The following ADK variants were observed in gnomAD, a reference collection of about 807,000 sequenced individuals.
ADK encodes the protein adenosine kinase, also known as N6,N6-dimethyladenosine kinase.
A neutral mutation model predicts 44.7 loss-of-function variants in ADK; 24 were observed. The observed-to-expected ratio is 0.54, with a 90% CI of 0.39 to 0.76. The LOEUF is 0.76. ADK is among the 30% of genes least tolerant of loss of function. ADK has a pLI of 0.00. For missense variants in ADK, 321 were observed against 425.1 expected, an observed-to-expected ratio of 0.76 and a Z score of 2.15; for synonymous variants, 128 against 142.6, an observed-to-expected ratio of 0.90 and a Z score of 0.73.
chr10:74,527,982 GA>G, intron 7 of ADK: 21 of 797,666 alleles, frequency 2.6e-5, no homozygotes, highest in South Asian at 4.2e-5. Flanking sequence ...AAAAATTATG[GA>G]AAAAGGCACC....
intron 6 of ADK, among the ~76,000 whole-genome samples, chr10:74,468,810 A>G (rs1846450099): frequency 6.6e-6 from 1 of 152,188 alleles, no homozygotes; most frequent in Non-Finnish European, 1.5e-5. Flanking sequence ...TATGTTATCA[A>G]TAGTAACCCC....
At chr10:74,191,664 A>G (rs1294064395) in intron 1 of ADK, among the ~76,000 whole-genome samples, 2 of 152,184 alleles carry the variant, frequency 1.3e-5, no homozygotes, top group Non-Finnish European at 2.9e-5. Context: ...CATTCACTCA[A>G]CTTCCCCCAA....
At chr10:74,628,530 G>T in intron 9 of ADK, among the ~76,000 whole-genome samples, 1 of 150,760 alleles carries the variant, frequency 6.6e-6, no homozygotes, top group African/African-American at 2.4e-5. Context: ...GTCTCACCTG[G>T]ATTAAGTTTT....
At position 74,315,246 on chromosome 10, in the gene ADK, C is replaced by T. The variant is rs1840575929; in HGVS notation, c.273+501C>T. ...CTGCCACAAGATAGTAGAAATTGCTCTGTATTATATATAGATATCTATATA... is the reference window on the plus strand; with the variant it reads ...CTGCCACAAGATAGTAGAAATTGCTTTGTATTATATATAGATATCTATATA... On this transcript the variant is annotated intron_variant, in intron 4 of 10. Transcript: ENST00000539909. Among the ~76,000 whole-genome samples, 4 of 152,154 alleles carry T rather than the reference C, an allele frequency of 2.6e-5. No individual in the cohort carries two copies. In the South Asian group the frequency reaches 8.3e-4, roughly 32 times the overall value.
intron 4 of ADK, among the ~76,000 whole-genome samples, chr10:74,388,962 G>T (rs912066174): frequency 6.6e-6 from 1 of 152,142 alleles, no homozygotes; most frequent in African/African-American, 2.4e-5. Flanking sequence ...CCCTCTCCAT[G>T]GTGTGGAACT....
intron 4 of ADK, among the ~76,000 whole-genome samples, chr10:74,347,142 A>AAAAAAAAGG (rs1841799866): frequency 7.2e-6 from 1 of 139,466 alleles, no homozygotes; most frequent in African/African-American, 2.7e-5. Context: ...AAAAAAAAAA[A>AAAAAAAAGG]GATGGCCGAA....
At chr10:74,595,550 G>A (rs1183462997) in intron 8 of ADK, among the ~76,000 whole-genome samples, 2 of 149,586 alleles carry the variant, frequency 1.3e-5, no homozygotes, top group Non-Finnish European at 3.0e-5. Flanking sequence ...CTAATTTTTT[G>A]TATTTTTAGT....
intron 3 of ADK, among the ~76,000 whole-genome samples, chr10:74,309,917 A>AT (rs1840378719): frequency 6.6e-6 from 1 of 151,776 alleles, no homozygotes; most frequent in Non-Finnish European, 1.5e-5. Context: ...CTTTATCTTA[A>AT]TTTGCTTCTG....
intron 3 of ADK, among the ~76,000 whole-genome samples, chr10:74,250,898 TTTTTTA>T: frequency 6.6e-6 from 1 of 152,126 alleles, no homozygotes; most frequent in East Asian, 1.9e-4. Flanking sequence ...GGCTGGCCAA[TTTTTTA>T]TTTTTATTTT....
intron 9 of ADK, among the ~76,000 whole-genome samples, chr10:74,665,641 A>G (rs1032557640): frequency 6.6e-6 from 1 of 151,984 alleles, no homozygotes; most frequent in East Asian, 1.9e-4. Context: ...AGGCTGAGGC[A>G]GGAGGATCCT....
intron 7 of ADK, among the ~76,000 whole-genome samples, chr10:74,571,476 C>T (rs1045482526): frequency 6.6e-6 from 1 of 152,016 alleles, no homozygotes; most frequent in Non-Finnish European, 1.5e-5. Flanking sequence ...GCCTGTTATT[C>T]GTCTATTCAG....
chr10:74,344,023 A>G (rs1458684145), intron 4 of ADK, among the ~76,000 whole-genome samples: 1 of 152,188 alleles, frequency 6.6e-6, no homozygotes, highest in Non-Finnish European at 1.5e-5. Context: ...TGCATTCCTG[A>G]GACAAACTCC....
chr10:74,656,155 A>G (rs913197919), intron 9 of ADK: 2 of 298,762 alleles, frequency 6.7e-6, no homozygotes, highest in African/African-American at 4.5e-5. Flanking sequence ...ATGGAGGAGG[A>G]TGGCGGCTGC....
intron 3 of ADK, among the ~76,000 whole-genome samples, chr10:74,259,239 C>G (rs1299580103): frequency 3.3e-5 from 5 of 151,594 alleles, no homozygotes; most frequent in African/African-American, 9.7e-5. Flanking sequence ...GCCACTGTGC[C>G]TGGCATATAG....
At chr10:74,380,940 A>G (rs1842961092) in intron 4 of ADK, among the ~76,000 whole-genome samples, 1 of 152,162 alleles carries the variant, frequency 6.6e-6, no homozygotes, top group South Asian at 2.1e-4. Flanking sequence ...TATTATACTA[A>G]AGGAAGAAAG....
At chr10:74,505,896 G>GA (rs1848054453) in intron 6 of ADK, among the ~76,000 whole-genome samples, 1 of 152,138 alleles carries the variant, frequency 6.6e-6, no homozygotes, top group Non-Finnish European at 1.5e-5. Flanking sequence ...TGGTGTGGGT[G>GA]ACCCGGGGCA....
At chr10:74,668,598 T>C (rs1192917495) in intron 9 of ADK, among the ~76,000 whole-genome samples, 6 of 152,046 alleles carry the variant, frequency 3.9e-5, no homozygotes, top group African/African-American at 1.4e-4. Context: ...TAGCTGGGCG[T>C]GATGGCACAT....
intron 2 of ADK, among the ~76,000 whole-genome samples, 155 bp downstream of exon 2, chr10:74,200,993 A>G (rs1179315998): frequency 6.6e-6 from 1 of 152,246 alleles, no homozygotes; most frequent in Non-Finnish European, 1.5e-5. Context: ...ATCATTAACT[A>G]TTGAATAACT....
chr10:74,475,237 A>C (rs1321457946), intron 6 of ADK, among the ~76,000 whole-genome samples: 1 of 152,110 alleles, frequency 6.6e-6, no homozygotes, highest in Non-Finnish European at 1.5e-5. Flanking sequence ...ATAATCTAAA[A>C]CTGTGTCACT....
Sources: gnomAD v4.1 joint callset for allele counts (sites outside exome capture counted in the v4.1 genomes callset) on GRCh38, gnomAD v4.1.1 for gene constraint, MANE v1.5 for transcripts, NCBI Gene and HGNC (gene_info 2026-07-23, HGNC 2026-07-21) for gene names.